The following ERCC6L2 variants were observed in gnomAD, a reference collection of about 807,000 sequenced individuals.
The protein encoded by ERCC6L2 is DNA excision repair protein ERCC-6-like 2.
In ERCC6L2, 77 loss-of-function variants were observed where a neutral mutation model predicts 132.0. That is an observed-to-expected ratio of 0.58 (90% CI 0.49 to 0.71). The LOEUF is 0.71. ERCC6L2 is among the 30% of genes least tolerant of loss of function. The pLI is 0.00. For synonymous variants in ERCC6L2, 583 were observed against 632.4 expected, an observed-to-expected ratio of 0.92 and a Z score of 1.17; for missense variants, 1,542 against 1,837.6, an observed-to-expected ratio of 0.84 and a Z score of 2.94.
At chr9:95,891,168 G>T (rs1325412040) in intron 2 of ERCC6L2, among the ~76,000 whole-genome samples, 2 of 152,098 alleles carry the variant, frequency 1.3e-5, no homozygotes, top group Non-Finnish European at 2.9e-5. Flanking sequence ...AGTCAAGATC[G>T]CACCATTGCA....
intron 4 of ERCC6L2, among the ~76,000 whole-genome samples, chr9:95,911,883 T>A (rs951463276): frequency 1.6e-4 from 24 of 152,358 alleles, no homozygotes; most frequent in African/African-American, 5.5e-4. Flanking sequence ...CTCTTACTGA[T>A]CTTCATAGTC....
At chr9:95,926,060 C>T (rs181012680) in intron 9 of ERCC6L2, among the ~76,000 whole-genome samples, 3 of 152,144 alleles carry the variant, frequency 2.0e-5, no homozygotes, top group Admixed American at 6.5e-5. Context: ...CCTATTAGAA[C>T]GGCCAAAATC....
In ERCC6L2 at chr9:96,013,871, A is replaced by G. The variant is rs1485290193; in HGVS notation, c.*668A>G. ...GTGATTACTACCATTAGCCACAGAT[A>G]CCAGTGCCTCAACTTTTTATGTACC... On this transcript the variant is annotated 3_prime_UTR_variant, in exon 19 of 19. Transcript: ENST00000653738. 4 of 152,228 alleles carry G rather than the reference A, an allele frequency of 2.6e-5. No individual in the cohort carries two copies. Among genetic ancestry groups the G allele is most frequent in the Admixed American group, 2.6e-4 (4 of 15,290 alleles). The allele number at this position is 152,228 out of a possible 1,614,324, so 9.4% of individuals were successfully genotyped here. A position where few individuals can be genotyped will look rare whatever the true frequency, so the allele number is the denominator to read the frequency against.
At chr9:95,950,067 C>T (rs1488689467) in intron 12 of ERCC6L2, among the ~76,000 whole-genome samples, 2 of 150,238 alleles carry the variant, frequency 1.3e-5, no homozygotes, top group African/African-American at 4.9e-5. Flanking sequence ...AATGAAAGTA[C>T]ACTAGACAGT....
chr9:95,954,712 T>A (rs1831511244), intron 12 of ERCC6L2: 1 of 465,878 alleles, frequency 2.1e-6, no homozygotes, highest in South Asian at 1.6e-5. Context: ...TTAGATCCAT[T>A]TCTGGTTTTC....
intron 11 of ERCC6L2, among the ~76,000 whole-genome samples, chr9:95,930,701 TTC>T (rs1301995753): frequency 6.6e-6 from 1 of 152,186 alleles, no homozygotes; most frequent in Non-Finnish European, 1.5e-5. Context: ...CCATTGAATT[TTC>T]TCTTAGATCT....
At chr9:96,030,436 G>A (rs547001862) in intron 19 of ERCC6L2, among the ~76,000 whole-genome samples, 4 of 152,164 alleles carry the variant, frequency 2.6e-5, no homozygotes, top group African/African-American at 7.2e-5. Flanking sequence ...GTACTCTCAC[G>A]CCTGTAATCC....
At chr9:95,895,657 C>G (rs899532295) in intron 2 of ERCC6L2, among the ~76,000 whole-genome samples, 11 of 151,822 alleles carry the variant, frequency 7.2e-5, no homozygotes, top group Admixed American at 5.2e-4. Context: ...TTCCTCCCTA[C>G]AGCATAGTGA....
chr9:96,017,360 CAG>C lies in ERCC6L2; in HGVS notation c.*4158_*4159del, dbSNP rs1216491841. 6.6e-6 allele frequency among the ~76,000 whole-genome samples: 1 copy of C among 152,098 alleles called. No homozygotes were observed. Among genetic ancestry groups the C allele is most frequent in the Non-Finnish European group, 1.5e-5 (1 of 67,976 alleles). On this transcript the variant is annotated 3_prime_UTR_variant, in exon 19 of 19. Transcript: ENST00000653738. ...GTCTTGCAGGGTTTCTCTAGGAAAACAGTGCATCTGATAGTTACTCTCTGCCC... is the reference window on the plus strand; with the variant it reads ...GTCTTGCAGGGTTTCTCTAGGAAAACTGCATCTGATAGTTACTCTCTGCCC...
intron 17 of ERCC6L2, among the ~76,000 whole-genome samples, chr9:95,978,769 T>C (rs1269031306): frequency 6.6e-6 from 1 of 152,214 alleles, no homozygotes; most frequent in Non-Finnish European, 1.5e-5. Flanking sequence ...TATTTTCTTG[T>C]GTTTGGCTTA....
In ERCC6L2 at chr9:95,876,078, G is replaced by A; in HGVS notation, c.40G>A (p.Gly14Ser). 6.3e-7 allele frequency: 1 copy of A among 1,579,662 alleles called. No homozygotes were observed. Among genetic ancestry groups the A allele is most frequent in the Non-Finnish European group, 8.6e-7 (1 of 1,163,388 alleles). Residue 14 changes from glycine (G) to serine (S), a missense_variant, in exon 1 of 19, where the codon GGC becomes AGC. Gly to Ser is a moderately conservative substitution (Grantham distance 56). Transcript: ENST00000653738. ...SAPQPRAETS[G>S]KDIWHPGERC... ...GCCACAGCCCCGCGCGGAAACCTCA[G>A]GCAAAGGTACCAGCTCCGCGCTCGC...
intron 13 of ERCC6L2, 111 bp downstream of exon 13, chr9:95,956,124 T>A (rs890149520): frequency 8.1e-6 from 4 of 491,434 alleles, no homozygotes; most frequent in African/African-American, 8.0e-5. Flanking sequence ...ATTGCGGAAT[T>A]TAATAAGATT....
chr9:95,896,861 C>T (rs1828492253), intron 2 of ERCC6L2, among the ~76,000 whole-genome samples: 1 of 152,050 alleles, frequency 6.6e-6, no homozygotes, highest in Non-Finnish European at 1.5e-5. Context: ...GGTTCTGGTT[C>T]TTGGAAGAAG....
downstream of ERCC6L2, chr9:96,021,399 C>G (rs534655075): frequency 6.9e-4 from 192 of 278,610 alleles, 4 homozygotes; most frequent in South Asian, 6.3e-3. The surrounding 1 kb of genome is among the most constrained non-coding windows in gnomAD (Gnocchi z 4.7). Context: ...GGGCAGGGAG[C>G]GAGGGGCGGT....
At position 96,012,897 on chromosome 9, in the gene ERCC6L2, T is replaced by G. The variant is rs1834081506; in HGVS notation, c.4347T>G (p.Phe1449Leu). The change falls in exon 19 of 19, where the codon TTT becomes TTG. Residue 1449 changes from phenylalanine to leucine, a missense_variant. By Grantham distance (22) the Phe-to-Leu change is conservative. Transcript: ENST00000653738. ...LGDTSILDDL[F>L]KSHGNSPTQL... ...ATACCTCTATTCTTGATGACCTTTTTAAAAGTCATGGGAACAGTCCCACAC... is the reference window on the plus strand; with the variant it reads ...ATACCTCTATTCTTGATGACCTTTTGAAAAGTCATGGGAACAGTCCCACAC... 7.3e-7 allele frequency: 1 copy of G among 1,367,638 alleles called. No homozygotes were observed. 84.7% of individuals were successfully genotyped at this position (1,367,638 alleles called of 1,614,324 possible).
rs555556307 is a variant in ERCC6L2 at position 96,012,611 on chromosome 9, C to T, written c.4061C>T (p.Ala1354Val). 2 of 1,367,454 alleles carry T rather than the reference C, an allele frequency of 1.5e-6. No individual in the cohort carries two copies. The highest frequency in any genetic ancestry group is 3.8e-5 in the Admixed American group (2 of 52,566). 84.7% of individuals were successfully genotyped at this position (1,367,454 alleles called of 1,614,324 possible). A position where few individuals can be genotyped will look rare whatever the true frequency, so the allele number is the denominator to read the frequency against. ...SYREEVFFND[A>V]ETKKSPVSST... is the part of the protein sequence containing the mutation. ...AGAGAAGAGGTGTTTTTTAATGATG[C>T]AGAAACTAAGAAATCACCTGTTAGT... Residue 1354 changes from alanine (A) to valine (V), a missense_variant, in exon 19 of 19, where the codon GCA becomes GTA. Physicochemically the swap from Ala to Val is moderately conservative, Grantham distance 64. Coordinates refer to ENST00000653738, the MANE Select transcript of ERCC6L2 (RefSeq NM_020207.7).
At chr9:96,038,387 G>A (rs1034766819) in intron 19 of ERCC6L2, among the ~76,000 whole-genome samples, 1 of 152,210 alleles carries the variant, frequency 6.6e-6, no homozygotes, top group African/African-American at 2.4e-5. Flanking sequence ...AGAGTCGTAT[G>A]TGAGGAAGCA....
At chr9:95,939,970 A>G (rs1830723327) in intron 11 of ERCC6L2, among the ~76,000 whole-genome samples, 1 of 152,174 alleles carries the variant, frequency 6.6e-6, no homozygotes, top group South Asian at 2.1e-4. Flanking sequence ...AGGGGTGGAA[A>G]GCTAGGTTCC....
chr9:95,897,951 C>T lies in ERCC6L2; in HGVS notation c.574C>T (p.Leu192Phe). 5.6e-6 allele frequency: 9 copies of T among 1,610,398 alleles called. No homozygotes were observed. Among genetic ancestry groups the T allele is most frequent in the Non-Finnish European group, 6.8e-6 (8 of 1,178,674 alleles). Residue 192 changes from leucine to phenylalanine, a missense_variant, in exon 3 of 19, where the codon CTT (leucine) becomes TTT (phenylalanine). Leu to Phe is a conservative substitution (Grantham distance 22, BLOSUM62 0). This residue lies in a region of ERCC6L2 where 945 missense variants were observed against 1,105.2 expected (regional missense o/e 0.86). Transcript: ENST00000653738. Reference protein sequence around the residue: ...FLLRSMKKEPLSSTAKKMFLI... With the variant: ...FLLRSMKKEPFSSTAKKMFLI... ...ACTAAGAAGTATGAAAAAGGAACCCCTTTCTTCTACAGCAAAAAAGGTAAA... is the reference window on the plus strand; with the variant it reads ...ACTAAGAAGTATGAAAAAGGAACCCTTTTCTTCTACAGCAAAAAAGGTAAA...
Sources: allele counts gnomAD v4.1 joint callset (sites outside exome capture counted in the v4.1 genomes callset), GRCh38; gene constraint gnomAD v4.1.1; regional missense constraint gnomAD v4.1.1; non-coding constraint Gnocchi (gnomAD v3.1); transcripts MANE v1.5; gene names NCBI Gene and HGNC (gene_info 2026-07-23, HGNC 2026-07-21).